Variants in RIMKLA observed in about 807,000 individuals in gnomAD.
RIMKLA encodes the protein N-acetylaspartylglutamate synthase A.
Under a neutral mutation model 32.7 loss-of-function variants are expected in RIMKLA, and 14 were observed. The observed-to-expected ratio is 0.43, with a 90% confidence interval of 0.28 to 0.67. The LOEUF is 0.67. Ranked by LOEUF, RIMKLA falls within the 30% of genes least tolerant of loss-of-function variation. The pLI is 0.18. For synonymous variants in RIMKLA, 176 were observed against 204.1 expected, an observed-to-expected ratio of 0.86 and a Z score of 1.18; for missense variants, 410 against 519.0, an observed-to-expected ratio of 0.79 and a Z score of 2.04.
intron 1 of RIMKLA, among the ~76,000 whole-genome samples, chr1:42,390,033 T>C (rs1469336427): frequency 2.2e-5 from 3 of 138,988 alleles, no homozygotes; most frequent in African/African-American, 7.9e-5. Flanking sequence ...GGATTTTCTT[T>C]TCCTTTTTTT....
chr1:42,388,260 G>A (rs987403866), intron 1 of RIMKLA, among the ~76,000 whole-genome samples: 4 of 152,024 alleles, frequency 2.6e-5, no homozygotes, highest in Non-Finnish European at 4.4e-5. Context: ...GCTGGAGTAC[G>A]GTGGTACGAT....
rs1299126390 is a variant in RIMKLA, at chr1:42,416,430, A to G, written c.*1456A>G. ...ATCCAACCCCTCCTCCTGCCCACCA[A>G]GATCATCCTGAGCTGCTTCACCCAT... On this transcript the variant is annotated 3_prime_UTR_variant, in exon 5 of 5. Coordinates refer to ENST00000431473, the MANE Select transcript of RIMKLA (RefSeq NM_173642.4). 3 of 152,210 alleles carry G rather than the reference A, an allele frequency of 2.0e-5. No homozygotes were observed. Among genetic ancestry groups the G allele is most frequent in the Admixed American group, 6.5e-5 (1 of 15,282 alleles). The allele number at this position is 152,210 out of a possible 1,614,324, so 9.4% of individuals were successfully genotyped here.
In RIMKLA at chr1:42,422,680, CAT is replaced by C. The variant is rs1643304899; in HGVS notation, c.*7708_*7709del. The C allele has an allele frequency of 6.6e-6, 1 of 152,120 alleles. No homozygotes were observed. The highest frequency in any genetic ancestry group is 2.4e-5 in the African/African-American group (1 of 41,412). The allele number at this position is 152,120 out of a possible 1,614,324, so 9.4% of individuals were successfully genotyped here. A position where few individuals can be genotyped will look rare whatever the true frequency, so the allele number is the denominator to read the frequency against. ...AATCTACATTTTATTATTTTCATAT[CAT>C]AAAATGAGGAAGAGCCTTCACAGAA... On this transcript the variant is annotated 3_prime_UTR_variant, in exon 5 of 5. Coordinates refer to ENST00000431473, the MANE Select transcript of RIMKLA (RefSeq NM_173642.4).
intron 1 of RIMKLA, among the ~76,000 whole-genome samples, chr1:42,384,225 AT>A (rs1487964807): frequency 6.6e-6 from 1 of 152,160 alleles, no homozygotes; most frequent in Admixed American, 6.5e-5. Flanking sequence ...TAATCTAGCA[AT>A]CTGAGTGGGA....
chr1:42,385,834 TTCTTTCTTTC>T lies in RIMKLA; in HGVS notation c.163+4749_163+4758del, dbSNP rs1373634355. On this transcript the variant is annotated intron_variant, in intron 1 of 4. Coordinates refer to ENST00000431473, the MANE Select transcript of RIMKLA (RefSeq NM_173642.4). ...TTCCTTCCTTCCTTCCTTCCTTTCTTTCTTTCTTTCTCTTTCTTTCTTTCTTTCTTTCTTT... is the reference window on the plus strand; with the variant it reads ...TTCCTTCCTTCCTTCCTTCCTTTCTTTCTTTCTTTCTTTCTTTCTTTCTTT... 5.3e-5 allele frequency among the ~76,000 whole-genome samples: 4 copies of T among 75,486 alleles called. 1 individual carries two copies. The highest frequency in any genetic ancestry group is 6.2e-5 in the Non-Finnish European group (2 of 32,212). The allele number at this position is 75,486 out of a possible 152,430, so 49.5% of individuals were successfully genotyped here.
intron 2 of RIMKLA, among the ~76,000 whole-genome samples, chr1:42,403,223 G>A (rs942973728): frequency 1.3e-5 from 2 of 152,114 alleles, no homozygotes; most frequent in African/African-American, 4.8e-5. Flanking sequence ...CTCACAAGTT[G>A]CATTGTCCTC....
intron 1 of RIMKLA, among the ~76,000 whole-genome samples, chr1:42,389,373 C>T (rs1295998407): frequency 6.6e-6 from 1 of 152,134 alleles, no homozygotes; most frequent in Non-Finnish European, 1.5e-5. Flanking sequence ...GATTGAGCTC[C>T]AGTGCTTAGT....
At position 42,381,811 on chromosome 1, in the gene RIMKLA, C is replaced by T. The variant is rs571184201; in HGVS notation, c.163+714C>T. On this transcript the variant is annotated intron_variant, in intron 1 of 4. Coordinates refer to ENST00000431473, the MANE Select transcript of RIMKLA (RefSeq NM_173642.4). ...CATGGTTGTCATCTGTGGGTTTGACCTCAAAAGGTTAATTATTTTTTCGTA... is the reference window on the plus strand; with the variant it reads ...CATGGTTGTCATCTGTGGGTTTGACTTCAAAAGGTTAATTATTTTTTCGTA... Among the ~76,000 whole-genome samples the T allele has an allele frequency of 4.2e-4, 64 of 152,236 alleles. 2 individuals are homozygous for T. The South Asian group carries it at 7.3e-3, about 17-fold the overall frequency.
In RIMKLA at chr1:42,414,918, C is replaced by T. The variant is rs760022684; in HGVS notation, c.1120C>T (p.Pro374Ser). The T allele has an allele frequency of 6.2e-6, 10 of 1,614,008 alleles. No individual in the cohort carries two copies. Among genetic ancestry groups the T allele is most frequent in the East Asian group, 2.2e-5 (1 of 44,880 alleles). ...STMGAPPSML[P>S]EPGYNINNRI... Reference sequence around the variant, plus strand: ...AATGGGGGCCCCACCCTCCATGCTGCCCGAACCTGGCTACAACATTAACAA... The same window carrying T: ...AATGGGGGCCCCACCCTCCATGCTGTCCGAACCTGGCTACAACATTAACAA... Residue 374 changes from proline (P) to serine (S), a missense_variant, in exon 5 of 5, where the codon CCC becomes TCC. By Grantham distance (74) the Pro-to-Ser change is moderately conservative. Coordinates refer to ENST00000431473, the MANE Select transcript of RIMKLA (RefSeq NM_173642.4).
chr1:42,400,928 G>A lies in RIMKLA; in HGVS notation c.394+1294G>A, dbSNP rs574697075. 2.0e-5 allele frequency among the ~76,000 whole-genome samples: 3 copies of A among 152,154 alleles called. No individual in the cohort carries two copies. The South Asian group carries it at 6.2e-4, about 32-fold the overall frequency. Reference sequence around the variant, plus strand: ...CTGTTCACCTAAAATGGTTAAAATGGTATATTTTATGTATATTTTAACACC... The same window carrying A: ...CTGTTCACCTAAAATGGTTAAAATGATATATTTTATGTATATTTTAACACC... On this transcript the variant is annotated intron_variant, in intron 2 of 4. Coordinates refer to ENST00000431473, the MANE Select transcript of RIMKLA (RefSeq NM_173642.4).
intron 1 of RIMKLA, among the ~76,000 whole-genome samples, chr1:42,386,917 A>AAATG (rs55957210): frequency 6.7e-6 from 1 of 148,234 alleles, no homozygotes; most frequent in Non-Finnish European, 1.5e-5. Flanking sequence ...ATAAATAAAT[A>AAATG]TTAGCCAGGC....
chr1:42,381,204 C>G, intron 1 of RIMKLA, 107 bp downstream of exon 1: 2 of 832,880 alleles, frequency 2.4e-6, no homozygotes, highest in Non-Finnish European at 3.2e-6. Context: ...TCCTTCGGGC[C>G]CGCACACTAG....
Position 42,380,817 on chromosome 1 carries a change from G to C in RIMKLA, c.-118G>C. 1 of 472,362 alleles carries C rather than the reference G, an allele frequency of 2.1e-6. No individual in the cohort carries two copies. Among genetic ancestry groups the C allele is most frequent in the Non-Finnish European group, 2.9e-6 (1 of 346,214 alleles). 29.3% of individuals were successfully genotyped at this position (472,362 alleles called of 1,614,324 possible). ...GCAGAGACGCCTGGCGCACCCGCGG[G>C]AGCGGAGCCGTGGCGCGCTCGCCCC... On this transcript the variant is annotated 5_prime_UTR_variant, in exon 1 of 5. Transcript: ENST00000431473.
At position 42,417,061 on chromosome 1, in the gene RIMKLA, T is replaced by G. The variant is rs1643255173; in HGVS notation, c.*2087T>G. The G allele has an allele frequency of 6.6e-6, 1 of 152,248 alleles. No homozygotes were observed. The highest frequency in any genetic ancestry group is 2.4e-5 in the African/African-American group (1 of 41,462). 9.4% of individuals were successfully genotyped at this position (152,248 alleles called of 1,614,324 possible). On this transcript the variant is annotated 3_prime_UTR_variant, in exon 5 of 5. Coordinates refer to ENST00000431473, the MANE Select transcript of RIMKLA (RefSeq NM_173642.4). ...TTAGGTTTGTTCTCACTGGAACTGG[T>G]TACACTTTCTGTGCAAACTTAACCA...
chr1:42,398,784 T>C lies in RIMKLA; in HGVS notation c.164-620T>C, dbSNP rs560483405. On this transcript the variant is annotated intron_variant, in intron 1 of 4. Coordinates refer to ENST00000431473, the MANE Select transcript of RIMKLA (RefSeq NM_173642.4). ...GAGTGTGAGATCAGCCTGGGCAACA[T>C]GGCGAAACCCCATCTCTACAAAAAA... 3.3e-5 allele frequency among the ~76,000 whole-genome samples: 5 copies of C among 152,050 alleles called. No individual in the cohort carries two copies. In the South Asian group the frequency reaches 1.0e-3, roughly 32 times the overall value.
At position 42,415,727 on chromosome 1, in the gene RIMKLA, C is replaced by G. The variant is rs1318955217; in HGVS notation, c.*753C>G. ...TTTGGCCTCAGCTGGAAATGCACTT[C>G]AATGAGCTAGTGGCCACTCAGTTTA... On this transcript the variant is annotated 3_prime_UTR_variant, in exon 5 of 5. Coordinates refer to ENST00000431473, the MANE Select transcript of RIMKLA (RefSeq NM_173642.4). 6.6e-6 allele frequency: 1 copy of G among 152,232 alleles called. No homozygotes were observed. The highest frequency in any genetic ancestry group is 2.4e-5 in the African/African-American group (1 of 41,440). 9.4% of individuals were successfully genotyped at this position (152,232 alleles called of 1,614,324 possible).
intron 1 of RIMKLA, among the ~76,000 whole-genome samples, 165 bp from the exon 2 acceptor site, chr1:42,399,239 G>C (rs112292727): frequency 6.6e-6 from 1 of 152,248 alleles, no homozygotes; most frequent in South Asian, 2.1e-4. Flanking sequence ...TTTGTTTGGC[G>C]TATAGGGTTG....
chr1:42,397,639 C>T (rs1643059521), intron 1 of RIMKLA, among the ~76,000 whole-genome samples: 1 of 151,992 alleles, frequency 6.6e-6, no homozygotes, highest in Non-Finnish European at 1.5e-5. Context: ...GTGGGAGGAT[C>T]GCTTGAGCCT....
At chr1:42,390,811 T>C (rs1392436153) in intron 1 of RIMKLA, among the ~76,000 whole-genome samples, 1 of 152,160 alleles carries the variant, frequency 6.6e-6, no homozygotes, top group East Asian at 1.9e-4. Flanking sequence ...GTATTTTCCC[T>C]AGGTACGTTT....
Sources: gnomAD v4.1 joint callset for allele counts (sites outside exome capture counted in the v4.1 genomes callset) on GRCh38, gnomAD v4.1.1 for gene constraint, MANE v1.5 for transcripts, NCBI Gene and HGNC (gene_info 2026-07-23, HGNC 2026-07-21) for gene names.